The following TLCD4 variants were observed in gnomAD, a reference collection of about 807,000 sequenced individuals.
The protein encoded by TLCD4 is TLC domain-containing protein 4.
Under a neutral mutation model 24.2 loss-of-function variants are expected in TLCD4, and 7 were observed. That is an observed-to-expected ratio of 0.29 (90% CI 0.16 to 0.54). TLCD4 has a LOEUF of 0.54. TLCD4 is among the 20% of genes least tolerant of loss of function. TLCD4 has a pLI of 0.95. For synonymous variants in TLCD4, 103 were observed against 106.4 expected, an observed-to-expected ratio of 0.97 and a Z score of 0.20; for missense variants, 259 against 313.9, an observed-to-expected ratio of 0.82 and a Z score of 1.32.
At chr1:95,106,142 A>G in the TLCD4 span, among the ~76,000 whole-genome samples, 6 of 152,170 alleles carry the variant, frequency 3.9e-5, no homozygotes, top group Admixed American at 6.5e-5. Flanking sequence ...AGAAAGGCTC[A>G]AATTCTGAAG....
chr1:95,191,885 A>G lies in TLCD4; in HGVS notation c.*17A>G. 6.2e-7 allele frequency: 1 copy of G among 1,603,956 alleles called. No homozygotes were observed. Among genetic ancestry groups the G allele is most frequent in the Non-Finnish European group, 8.5e-7 (1 of 1,175,264 alleles). On this transcript the variant is annotated 3_prime_UTR_variant, in exon 7 of 7. Transcript: ENST00000370203. ...CTTGATTAAAAGAGTGCTACCGATA[A>G]GCAAACTTCATTACTACCCAGCATA...
chr1:95,146,310 TTTC>T (rs1677346469), intron 2 of TLCD4, among the ~76,000 whole-genome samples: 1 of 152,096 alleles, frequency 6.6e-6, no homozygotes, highest in African/African-American at 2.4e-5. Context: ...GTAAAAAAAT[TTTC>T]TTAATTACTT....
intron 6 of TLCD4, among the ~76,000 whole-genome samples, chr1:95,184,542 A>T (rs1321840305): frequency 3.9e-5 from 6 of 152,178 alleles, no homozygotes. Context: ...GAAGGGTAGG[A>T]GGAGGAATAA....
At chr1:95,105,893 T>TCAAAAAAAAAAC in the TLCD4 span, among the ~76,000 whole-genome samples, 1 of 102,864 alleles carries the variant, frequency 9.7e-6, no homozygotes. Context: ...AGACTCCGTC[T>TCAAAAAAAAAAC]TAAAAAAAAA....
chr1:95,118,717 T>C (rs1002564172), intron 1 of TLCD4, among the ~76,000 whole-genome samples: 2 of 152,194 alleles, frequency 1.3e-5, no homozygotes, highest in East Asian at 1.9e-4. Context: ...CCGATTAAGG[T>C]AATAAGTTAG....
intron 6 of TLCD4, among the ~76,000 whole-genome samples, chr1:95,178,416 T>C (rs904429293): frequency 2.0e-5 from 3 of 151,772 alleles, no homozygotes; most frequent in Non-Finnish European, 4.4e-5. Flanking sequence ...TTCGCTGCCA[T>C]CTCACCTGGC....
chr1:95,099,704 G>T, the TLCD4 span, among the ~76,000 whole-genome samples: 7 of 152,122 alleles, frequency 4.6e-5, no homozygotes, highest in African/African-American at 1.7e-4. Context: ...TGACAACAAT[G>T]ATGTAATGTT....
intron 4 of TLCD4, 102 bp from the exon 5 acceptor site, chr1:95,151,221 CAG>C: frequency 8.8e-7 from 1 of 1,139,528 alleles, no homozygotes; most frequent in Non-Finnish European, 1.3e-6. Context: ...GCTGTGGGCT[CAG>C]AGTGGACAGT....
chr1:95,191,355 T>C (rs1321196424), intron 6 of TLCD4, among the ~76,000 whole-genome samples, 195 bp from the exon 7 acceptor site: 1 of 152,246 alleles, frequency 6.6e-6, no homozygotes, highest in Non-Finnish European at 1.5e-5. Context: ...CTGACTTGAT[T>C]ACTGTCGCTT....
At chr1:95,166,935 A>C (rs992287404) in intron 5 of TLCD4, among the ~76,000 whole-genome samples, 1 of 151,876 alleles carries the variant, frequency 6.6e-6, no homozygotes, top group African/African-American at 2.4e-5. Context: ...GGGTCTTACT[A>C]TGTTGACCAG....
chr1:95,105,180 A>T, the TLCD4 span, among the ~76,000 whole-genome samples: 1 of 152,250 alleles, frequency 6.6e-6, no homozygotes, highest in Admixed American at 6.5e-5. Flanking sequence ...GGAAAAGATC[A>T]ACTTGACAAT....
intron 1 of TLCD4, among the ~76,000 whole-genome samples, chr1:95,119,466 C>T (rs375426962): frequency 6.6e-6 from 1 of 152,128 alleles, no homozygotes; most frequent in African/African-American, 2.4e-5. Flanking sequence ...GGAGAGTCCT[C>T]CCTGTAACCA....
At chr1:95,152,215 G>A (rs1018152663) in intron 5 of TLCD4, among the ~76,000 whole-genome samples, 1 of 151,948 alleles carries the variant, frequency 6.6e-6, no homozygotes, top group African/African-American at 2.4e-5. Context: ...GATGCTATAA[G>A]GATCCTATGT....
chr1:95,167,795 A>C (rs1397428404), intron 5 of TLCD4, among the ~76,000 whole-genome samples: 1 of 152,116 alleles, frequency 6.6e-6, no homozygotes, highest in South Asian at 2.1e-4. Context: ...GCTGTAAATC[A>C]TGTGCTTAAT....
At chr1:95,186,324 C>T (rs904854545) in intron 6 of TLCD4, among the ~76,000 whole-genome samples, 6 of 152,176 alleles carry the variant, frequency 3.9e-5, no homozygotes, top group African/African-American at 1.4e-4. Context: ...CTACTCTTCA[C>T]GTCATTCTGT....
chr1:95,168,554 CT>C (rs34574043), intron 5 of TLCD4, among the ~76,000 whole-genome samples: 604 of 51,116 alleles, frequency 0.012, 4 homozygotes, highest in African/African-American at 0.016. Context: ...TGTGAGTGAG[CT>C]TTTTTTTTTT....
intron 6 of TLCD4, among the ~76,000 whole-genome samples, chr1:95,178,136 G>T (rs1336409044): frequency 6.6e-6 from 1 of 151,524 alleles, no homozygotes; most frequent in Non-Finnish European, 1.5e-5. Flanking sequence ...TAGTAGAGAT[G>T]GAGTTTCACA....
At chr1:95,180,275 AATT>A (rs1386235630) in intron 6 of TLCD4, among the ~76,000 whole-genome samples, 1 of 152,242 alleles carries the variant, frequency 6.6e-6, no homozygotes, top group Non-Finnish European at 1.5e-5. Context: ...CTTTTAGAGA[AATT>A]ATAAAATTAG....
the TLCD4 span, among the ~76,000 whole-genome samples, chr1:95,111,505 T>C: frequency 6.6e-6 from 1 of 152,152 alleles, no homozygotes; most frequent in Admixed American, 6.5e-5. Flanking sequence ...AAAATGATAG[T>C]GTAGAAAGAT....
Sources: allele counts gnomAD v4.1 joint callset (sites outside exome capture counted in the v4.1 genomes callset), GRCh38; gene constraint gnomAD v4.1.1; transcripts MANE v1.5; gene names NCBI Gene and HGNC (gene_info 2026-07-23, HGNC 2026-07-21).